Variants in SPIDR observed in about 807,000 individuals in gnomAD.
SPIDR encodes the protein scaffold protein involved in DNA repair.
In SPIDR, 93 loss-of-function variants were observed where a neutral mutation model predicts 104.6. The ratio of observed to expected loss-of-function variants is 0.89; its 90% CI spans 0.75 to 1.06. The LOEUF is 1.06. Ranked by LOEUF, SPIDR falls within the 50% of genes least tolerant of loss-of-function variation. The probability of loss-of-function intolerance (pLI) is 0.00; values close to 1 mark genes in which losing one functional copy is unlikely to be tolerated. For missense variants in SPIDR, 1,154 were observed against 1,111.2 expected, an observed-to-expected ratio of 1.04 and a Z score of -0.55; for synonymous variants, 431 against 416.9, an observed-to-expected ratio of 1.03 and a Z score of -0.41.
chr8:47,502,445 T>A (rs2080669747), intron 8 of SPIDR, among the ~76,000 whole-genome samples: 1 of 152,216 alleles, frequency 6.6e-6, no homozygotes, highest in African/African-American at 2.4e-5. Flanking sequence ...TTTATATTAT[T>A]CTCTGATGGT....
chr8:47,437,147 GGTTA>G (rs1431154713), intron 7 of SPIDR, among the ~76,000 whole-genome samples: 1 of 151,962 alleles, frequency 6.6e-6, no homozygotes. Flanking sequence ...ACATTGTGCA[GGTTA>G]GTTACATATG....
At chr8:47,393,860 C>T (rs2060927857) in intron 5 of SPIDR, among the ~76,000 whole-genome samples, 1 of 149,752 alleles carries the variant, frequency 6.7e-6, no homozygotes. Context: ...TTCCTTCCTT[C>T]CGTCCTTCCG....
At chr8:47,623,635 CAAA>C in intron 10 of SPIDR, among the ~76,000 whole-genome samples, 1 of 152,218 alleles carries the variant, frequency 6.6e-6, no homozygotes, top group Middle Eastern at 3.4e-3. Flanking sequence ...TCAAAAGAGA[CAAA>C]GAAGGCCATT....
At chr8:47,511,620 A>G (rs1226845133) in intron 8 of SPIDR, 2 of 791,308 alleles carry the variant, frequency 2.5e-6, no homozygotes, top group Non-Finnish European at 4.6e-6. Flanking sequence ...CTTGGTTGGA[A>G]TGATGTCTCT....
intron 11 of SPIDR, among the ~76,000 whole-genome samples, chr8:47,684,126 CAAAAAAAAAAA>C (rs748328609): frequency 2.1e-4 from 8 of 38,148 alleles, no homozygotes; most frequent in South Asian, 2.5e-3. Flanking sequence ...GACTCTGTCT[CAAAAAAAAAAA>C]AAAAAAAAAA....
chr8:47,599,163 C>T lies in SPIDR; in HGVS notation c.1511C>T (p.Ala504Val), dbSNP rs757165103. 3.1e-6 allele frequency: 5 copies of T among 1,613,508 alleles called. No homozygotes were observed. The South Asian group carries it at 4.4e-5, about 14-fold the overall frequency. Residue 504 changes from alanine to valine, a missense_variant, in exon 10 of 20, where the codon GCC becomes GTC. Transcript: ENST00000297423. ...GACAGCACCAGGGGTCAGCAGGGGG[C>T]CAGCTCAGGACACACAGACCCAGCT... Reference protein sequence around the residue: ...SRDSTRGQQGASSGHTDPAGT... With the variant: ...SRDSTRGQQGVSSGHTDPAGT...
In SPIDR at chr8:47,312,452, G is replaced by A. The variant is rs1434671015; in HGVS notation, c.525+18422G>A. The stretch of plus-strand genomic sequence containing the variant: ...TGGTATCTCATTATGGTTTTGATTT[G>A]CATTTCTCTGATGGCCAGTGATGGT... On this transcript the variant is annotated intron_variant, in intron 5 of 19. Coordinates refer to ENST00000297423, the MANE Select transcript of SPIDR (RefSeq NM_001080394.4). 2.0e-5 allele frequency among the ~76,000 whole-genome samples: 3 copies of A among 152,270 alleles called. No individual in the cohort carries two copies. The East Asian group carries it at 5.8e-4, about 29-fold the overall frequency.
intron 8 of SPIDR, among the ~76,000 whole-genome samples, chr8:47,584,173 G>C (rs975161387): frequency 3.3e-5 from 5 of 152,030 alleles, no homozygotes; most frequent in African/African-American, 1.2e-4. Flanking sequence ...TAAAATTTCA[G>C]GCTTTTCACA....
rs192232156 is a variant in SPIDR at position 47,505,781 on chromosome 8, A to G, written c.1097+65239A>G. 3.9e-5 allele frequency among the ~76,000 whole-genome samples: 6 copies of G among 152,288 alleles called. No individual in the cohort carries two copies. The East Asian group carries it at 1.2e-3, about 29-fold the overall frequency. The stretch of plus-strand genomic sequence containing the variant: ...CAACTGCACTGATCTGTGGTCATCT[A>G]GTGACAACACTAGCAGTGCCACCCG... On this transcript the variant is annotated intron_variant, in intron 8 of 19. Transcript: ENST00000297423.
chr8:47,550,550 T>C (rs777457509), intron 8 of SPIDR, among the ~76,000 whole-genome samples: 15 of 152,346 alleles, frequency 9.8e-5, no homozygotes, highest in South Asian at 2.1e-4. Flanking sequence ...AGTTCACTCA[T>C]GATTTGGCTC....
chr8:47,466,667 C>T (rs1387792284), intron 8 of SPIDR, among the ~76,000 whole-genome samples: 1 of 150,684 alleles, frequency 6.6e-6, no homozygotes, highest in Admixed American at 6.6e-5. Flanking sequence ...TCAAGACCAG[C>T]CTGGTCAACA....
chr8:47,462,382 A>G (rs2074088838), intron 8 of SPIDR, among the ~76,000 whole-genome samples: 1 of 152,106 alleles, frequency 6.6e-6, no homozygotes, highest in Non-Finnish European at 1.5e-5. Context: ...CTTTCCTGGT[A>G]TATTCCTGCA....
At chr8:47,702,471 A>T (rs1025213313) in intron 14 of SPIDR, among the ~76,000 whole-genome samples, 1 of 152,142 alleles carries the variant, frequency 6.6e-6, no homozygotes, top group African/African-American at 2.4e-5. Context: ...GAACTTTTAG[A>T]GCCTTCAAAA....
chr8:47,632,603 C>T (rs1045461114), intron 10 of SPIDR, among the ~76,000 whole-genome samples: 9 of 152,044 alleles, frequency 5.9e-5, no homozygotes, highest in Non-Finnish European at 1.2e-4. Flanking sequence ...CAAAGAATGT[C>T]GGCAAACTCT....
chr8:47,729,196 G>T, intron 18 of SPIDR, 149 bp downstream of exon 18: 1 of 1,506,960 alleles, frequency 6.6e-7, no homozygotes, highest in Non-Finnish European at 8.9e-7. Flanking sequence ...ACTCCCTCTA[G>T]GTCCTAGGAG....
chr8:47,521,585 A>C lies in SPIDR; in HGVS notation c.1098-74226A>C, dbSNP rs2084099224. Among the ~76,000 whole-genome samples the C allele has an allele frequency of 2.0e-5, 3 of 151,386 alleles. No homozygotes were observed. The South Asian group carries it at 6.2e-4, about 32-fold the overall frequency. ...ATTACAGGCACGCACCACCATGCCCAGCTAATTTTTGTGTTTTTAGTAGAG... is the reference window on the plus strand; with the variant it reads ...ATTACAGGCACGCACCACCATGCCCCGCTAATTTTTGTGTTTTTAGTAGAG... On this transcript the variant is annotated intron_variant, in intron 8 of 19. Transcript: ENST00000297423.
At chr8:47,433,815 G>C (rs1585635213) in intron 7 of SPIDR, among the ~76,000 whole-genome samples, 2 of 152,090 alleles carry the variant, frequency 1.3e-5, no homozygotes, top group East Asian at 3.9e-4. Context: ...TAGGTTATAG[G>C]GTATACTGTG....
In SPIDR at chr8:47,435,738, C is replaced by T. The variant is rs559395415; in HGVS notation, c.878-4585C>T. On this transcript the variant is annotated intron_variant, in intron 7 of 19. Coordinates refer to ENST00000297423, the MANE Select transcript of SPIDR (RefSeq NM_001080394.4). ...AGCCACAGCAATAGGCCTCAGAGTC[C>T]GTTTCTCAACCTGAAACATTGTCTG... Among the ~76,000 whole-genome samples, 52 of 152,308 alleles carry T rather than the reference C, an allele frequency of 3.4e-4. 1 individual carries two copies. Among genetic ancestry groups the T allele is most frequent in the Admixed American group, 4.6e-4 (7 of 15,306 alleles).
intron 5 of SPIDR, among the ~76,000 whole-genome samples, chr8:47,389,935 A>G (rs1338980530): frequency 6.6e-6 from 1 of 152,128 alleles, no homozygotes; most frequent in African/African-American, 2.4e-5. Flanking sequence ...CAGATGATTG[A>G]AAAATTCATT....
Sources: gnomAD v4.1 joint callset for allele counts (sites outside exome capture counted in the v4.1 genomes callset) on GRCh38, gnomAD v4.1.1 for gene constraint, MANE v1.5 for transcripts, NCBI Gene and HGNC (gene_info 2026-07-23, HGNC 2026-07-21) for gene names.